ZNF521: variants seen among roughly 807,000 people sequenced by gnomAD.
ZNF521 encodes the protein zinc finger protein 521.
A neutral mutation model predicts 105.5 loss-of-function variants in ZNF521; 14 were observed. The observed-to-expected ratio is 0.13, with a 90% CI of 0.09 to 0.21. The LOEUF is 0.21. Ranked by LOEUF, ZNF521 falls within the 10% of genes least tolerant of loss-of-function variation. The pLI is 1.00. For missense variants in ZNF521, 1,233 were observed against 1,629.7 expected (o/e 0.76, Z 4.19); for synonymous variants, 635 against 606.0 (o/e 1.05, Z -0.70).
chr18:25,346,635 A>G (rs1030918356), intron 2 of ZNF521, among the ~76,000 whole-genome samples: 1 of 152,240 alleles, frequency 6.6e-6, no homozygotes, highest in African/African-American at 2.4e-5. Flanking sequence ...AAAATAAAAT[A>G]AAATAAACCT....
intron 3 of ZNF521, among the ~76,000 whole-genome samples, chr18:25,319,721 T>C (rs1912835742): frequency 6.6e-6 from 1 of 152,204 alleles, no homozygotes; most frequent in South Asian, 2.1e-4. Context: ...AACTTTATAA[T>C]GGAAACTGTT....
chr18:25,182,231 G>A (rs2035643882), intron 5 of ZNF521, among the ~76,000 whole-genome samples: 1 of 152,096 alleles, frequency 6.6e-6, no homozygotes, highest in Non-Finnish European at 1.5e-5. Flanking sequence ...GGCAACCCCT[G>A]TGAAGAGCAA....
intron 5 of ZNF521, among the ~76,000 whole-genome samples, chr18:25,151,824 C>T (rs2035052816): frequency 6.6e-6 from 1 of 152,160 alleles, no homozygotes; most frequent in Non-Finnish European, 1.5e-5. Flanking sequence ...TAAGCTAAGA[C>T]TGTCAATCAG....
In ZNF521 at chr18:25,216,557, G is replaced by A. The variant is rs148621860; in HGVS notation, c.3573+7788C>T. On this transcript the variant is annotated intron_variant, in intron 4 of 7. Coordinates refer to ENST00000361524, the MANE Select transcript of ZNF521 (RefSeq NM_015461.3). ...TTCAGAGATGAGAAAGGAGAAGAAC[G>A]AAATAGGGCTTTTTTCCTTGATACA... Among the ~76,000 whole-genome samples, 407 of 152,260 alleles carry A rather than the reference G, an allele frequency of 2.7e-3. 2 individuals carry two copies. The highest frequency in any genetic ancestry group is 6.8e-3 in the Middle Eastern group (2 of 294).
chr18:25,106,315 T>A (rs1312311802), intron 5 of ZNF521, among the ~76,000 whole-genome samples: 1 of 152,152 alleles, frequency 6.6e-6, no homozygotes, highest in African/African-American at 2.4e-5. Flanking sequence ...CTGAGTTGAT[T>A]TGGAAAATAC....
At chr18:25,335,984 G>T (rs539477706) in intron 2 of ZNF521, among the ~76,000 whole-genome samples, 1 of 152,108 alleles carries the variant, frequency 6.6e-6, no homozygotes, top group Non-Finnish European at 1.5e-5. Context: ...GGGAAGTTAA[G>T]GGGAAATTAA....
At chr18:25,179,054 C>T (rs960298957) in intron 5 of ZNF521, among the ~76,000 whole-genome samples, 2 of 150,012 alleles carry the variant, frequency 1.3e-5, no homozygotes, top group Admixed American at 6.7e-5. Context: ...AGTGCAAAAC[C>T]AAACAAACCC....
chr18:25,158,786 T>C (rs1361041800), intron 5 of ZNF521, among the ~76,000 whole-genome samples: 1 of 151,920 alleles, frequency 6.6e-6, no homozygotes, highest in Non-Finnish European at 1.5e-5. Flanking sequence ...TGAAACCCCA[T>C]CTCTACTAAA....
intron 3 of ZNF521, among the ~76,000 whole-genome samples, chr18:25,265,311 T>C (rs1426718469): frequency 6.6e-6 from 1 of 152,156 alleles, no homozygotes; most frequent in Non-Finnish European, 1.5e-5. Flanking sequence ...GAAGAAAGGA[T>C]AATTAGATCT....
intron 5 of ZNF521, among the ~76,000 whole-genome samples, chr18:25,106,152 A>G (rs1483210982): frequency 6.6e-6 from 1 of 152,156 alleles, no homozygotes; most frequent in Non-Finnish European, 1.5e-5. Flanking sequence ...GATTCATTTT[A>G]TTAACAAACT....
At chr18:25,144,147 C>T (rs2034901277) in intron 5 of ZNF521, among the ~76,000 whole-genome samples, 1 of 152,188 alleles carries the variant, frequency 6.6e-6, no homozygotes, top group Non-Finnish European at 1.5e-5. Context: ...GCCAGACACA[C>T]ACGCTCAGGA....
intron 5 of ZNF521, among the ~76,000 whole-genome samples, chr18:25,179,367 T>C (rs1468486234): frequency 6.6e-6 from 1 of 151,912 alleles, no homozygotes; most frequent in African/African-American, 2.4e-5. Flanking sequence ...CTTATACTTC[T>C]ATACATGATC....
intron 3 of ZNF521, among the ~76,000 whole-genome samples, chr18:25,289,093 C>T (rs1349476386): frequency 3.3e-5 from 5 of 152,060 alleles, no homozygotes; most frequent in African/African-American, 9.7e-5. Flanking sequence ...CAATTTTACT[C>T]GTACTGTGAG....
intron 5 of ZNF521, among the ~76,000 whole-genome samples, chr18:25,184,597 A>G (rs1191137763): frequency 6.6e-6 from 1 of 152,212 alleles, no homozygotes; most frequent in African/African-American, 2.4e-5. Flanking sequence ...ATGACAGCTA[A>G]AAATCAATGC....
chr18:25,270,470 CAA>C (rs776547129), intron 3 of ZNF521, among the ~76,000 whole-genome samples: 2 of 151,938 alleles, frequency 1.3e-5, no homozygotes, highest in Non-Finnish European at 2.9e-5. Flanking sequence ...AGAGACACAA[CAA>C]AAAAAGAAAA....
At chr18:25,267,457 C>T (rs530942376) in intron 3 of ZNF521, among the ~76,000 whole-genome samples, 1 of 152,180 alleles carries the variant, frequency 6.6e-6, no homozygotes, top group Non-Finnish European at 1.5e-5. Context: ...TCAAGGGGGT[C>T]CCTGACCCCT....
At chr18:25,168,206 G>A (rs1010258761) in intron 5 of ZNF521, among the ~76,000 whole-genome samples, 1 of 152,116 alleles carries the variant, frequency 6.6e-6, no homozygotes, top group Non-Finnish European at 1.5e-5. Flanking sequence ...TTCCACATAT[G>A]GTAAAGTCAA....
intron 4 of ZNF521, among the ~76,000 whole-genome samples, chr18:25,215,870 T>C (rs1905295491): frequency 6.6e-6 from 1 of 152,188 alleles, no homozygotes. Context: ...GACTCCCTGT[T>C]CTATTACTTT....
chr18:25,273,399 T>C (rs1054779834), intron 3 of ZNF521: 7 of 152,096 alleles, frequency 4.6e-5, no homozygotes, highest in African/African-American at 1.7e-4. Flanking sequence ...TTCAAACTTC[T>C]TTTCACGATC....
Sources: allele counts gnomAD v4.1 joint callset (sites outside exome capture counted in the v4.1 genomes callset), GRCh38; gene constraint gnomAD v4.1.1; transcripts MANE v1.5; gene names NCBI Gene and HGNC (gene_info 2026-07-23, HGNC 2026-07-21).